The following KDM7A variants were observed in gnomAD, a reference collection of about 807,000 sequenced individuals.
The protein encoded by KDM7A is lysine-specific demethylase 7A.
In KDM7A, 28 loss-of-function variants were observed where a neutral mutation model predicts 114.8. That is an observed-to-expected ratio of 0.24 (90% confidence interval 0.18 to 0.33). The LOEUF is 0.33. Among genes scored for constraint, KDM7A ranks in the 10% least tolerant of loss-of-function variants. The pLI is 1.00. For synonymous variants in KDM7A, 423 were observed against 397.8 expected (o/e 1.06, Z -0.75); for missense variants, 942 against 1,142.5 (o/e 0.82, Z 2.53).
chr7:140,134,362 T>C (rs1297640334), intron 2 of KDM7A, among the ~76,000 whole-genome samples: 3 of 152,134 alleles, frequency 2.0e-5, no homozygotes, highest in Non-Finnish European at 4.4e-5. Context: ...TTAACACCTA[T>C]GGATCCAGAT....
intron 1 of KDM7A, among the ~76,000 whole-genome samples, chr7:140,171,949 G>A (rs1293277409): frequency 6.6e-6 from 1 of 152,138 alleles, no homozygotes; most frequent in Non-Finnish European, 1.5e-5. Flanking sequence ...ACAGTTTGGG[G>A]ACAACATGAA....
At chr7:140,148,087 C>T (rs1734247129) in intron 1 of KDM7A, among the ~76,000 whole-genome samples, 3 of 152,134 alleles carry the variant, frequency 2.0e-5, no homozygotes, top group Admixed American at 2.0e-4. Flanking sequence ...CAACACTGCC[C>T]TAATCAACAG....
intron 7 of KDM7A, among the ~76,000 whole-genome samples, chr7:140,123,799 C>G (rs999881452): frequency 6.6e-6 from 1 of 152,046 alleles, no homozygotes; most frequent in Non-Finnish European, 1.5e-5. Context: ...AATAGTATGC[C>G]GGCCGGGCGT....
At chr7:140,169,524 G>GT (rs1388773789) in intron 1 of KDM7A, among the ~76,000 whole-genome samples, 1 of 151,914 alleles carries the variant, frequency 6.6e-6, no homozygotes, top group African/African-American at 2.4e-5. Flanking sequence ...AACTAATGGG[G>GT]TTTTTTTGTT....
chr7:140,160,282 C>CT (rs1794503996), intron 1 of KDM7A, among the ~76,000 whole-genome samples: 1 of 152,018 alleles, frequency 6.6e-6, no homozygotes, highest in Non-Finnish European at 1.5e-5. Context: ...GTAAATGAAA[C>CT]TAAAAAATCA....
At chr7:140,154,415 GC>G (rs1370383890) in intron 1 of KDM7A, among the ~76,000 whole-genome samples, 2 of 150,664 alleles carry the variant, frequency 1.3e-5, no homozygotes, top group African/African-American at 4.9e-5. Context: ...GACTGCTTGA[GC>G]CCGGGAGTTT....
At position 140,086,067 on chromosome 7, in the gene KDM7A, T is replaced by C. The variant is rs1817919541; in HGVS notation, c.*5027A>G. The C allele has an allele frequency of 6.6e-6, 1 of 152,154 alleles. No homozygotes were observed. Among genetic ancestry groups the C allele is most frequent in the Non-Finnish European group, 1.5e-5 (1 of 68,022 alleles). 9.4% of individuals were successfully genotyped at this position (152,154 alleles called of 1,614,324 possible). On this transcript the variant is annotated 3_prime_UTR_variant, in exon 20 of 20. Transcript: ENST00000397560. ...AAAGAAATGGCCAAAATGAAACTGG[T>C]TGGAGACAAGTTTTACCTTTATAAT... is the stretch of plus-strand genomic sequence containing the variant.
rs1196428453 is a variant in KDM7A at position 140,092,016 on chromosome 7, A to G, written c.2519T>C (p.Val840Ala). The part of the protein sequence containing the change: ...KEGSSEISQR[V>A]QSRNYVDSSG... Reference sequence around the variant, plus strand: ...GCTGTCCACATAATTCCTACTTTGTACCCTCTGACTAATTTCTGATGAACC... The same window carrying G: ...GCTGTCCACATAATTCCTACTTTGTGCCCTCTGACTAATTTCTGATGAACC... Residue 840 changes from valine (V) to alanine (A), a missense_variant, in exon 19 of 20, where the codon GTA (valine) becomes GCA (alanine). By Grantham distance (64) the Val-to-Ala change is moderately conservative. Around this residue, in one of 4 missense-constraint regions of KDM7A, gnomAD observed 512 missense variants for 576.6 expected, o/e 0.89. Coordinates refer to ENST00000397560, the MANE Select transcript of KDM7A (RefSeq NM_030647.2). 1 of 1,613,914 alleles carries G rather than the reference A, an allele frequency of 6.2e-7. No individual in the cohort carries two copies. Among genetic ancestry groups the G allele is most frequent in the African/African-American group, 1.3e-5 (1 of 74,882 alleles).
intron 4 of KDM7A, among the ~76,000 whole-genome samples, chr7:140,128,437 G>A (rs186625839): frequency 6.6e-6 from 1 of 152,148 alleles, no homozygotes; most frequent in East Asian, 1.9e-4. Flanking sequence ...GAGGCAACAC[G>A]GTTCTGCTCA....
intron 7 of KDM7A, among the ~76,000 whole-genome samples, chr7:140,121,183 A>T (rs757660587): frequency 2.0e-5 from 3 of 152,218 alleles, no homozygotes; most frequent in Non-Finnish European, 2.9e-5. Flanking sequence ...GGTCCTACAA[A>T]TATAGGTGTT....
chr7:140,136,152 G>C (rs890613525), intron 2 of KDM7A, among the ~76,000 whole-genome samples: 50 of 152,130 alleles, frequency 3.3e-4, no homozygotes, highest in African/African-American at 1.2e-3. Context: ...GAATTAGACT[G>C]CTAGGGGTTC....
chr7:140,157,628 T>A (rs1422407844), intron 1 of KDM7A, among the ~76,000 whole-genome samples: 1 of 152,132 alleles, frequency 6.6e-6, no homozygotes, highest in East Asian at 1.9e-4. Context: ...CACTCCAGCC[T>A]GGTCGACAGA....
chr7:140,098,053 A>G (rs1237703745), intron 14 of KDM7A, among the ~76,000 whole-genome samples: 1 of 152,244 alleles, frequency 6.6e-6, no homozygotes, highest in African/African-American at 2.4e-5. Context: ...GTAGATAGTG[A>G]ATTCAACACG....
chr7:140,154,178 A>G (rs575603960), intron 1 of KDM7A, among the ~76,000 whole-genome samples: 56 of 152,234 alleles, frequency 3.7e-4, no homozygotes, highest in African/African-American at 1.3e-3. Context: ...CATTCCCTTA[A>G]AAAACATTTT....
intron 11 of KDM7A, among the ~76,000 whole-genome samples, chr7:140,103,760 A>G (rs573678600): frequency 1.6e-4 from 25 of 152,304 alleles, no homozygotes; most frequent in Admixed American, 7.2e-4. Flanking sequence ...GAATAGTGCC[A>G]CAATAAACAT....
At chr7:140,135,214 T>C (rs886191017) in intron 2 of KDM7A, among the ~76,000 whole-genome samples, 2 of 151,120 alleles carry the variant, frequency 1.3e-5, no homozygotes, top group Non-Finnish European at 3.0e-5. Context: ...CCTTTTTTTT[T>C]TTTTTTTTGA....
intron 18 of KDM7A, among the ~76,000 whole-genome samples, chr7:140,093,470 C>G (rs912020736): frequency 6.6e-6 from 1 of 152,168 alleles, no homozygotes; most frequent in Non-Finnish European, 1.5e-5. Context: ...AGGTTTGGGG[C>G]CCCACAGTGC....
At chr7:140,144,145 G>A (rs1794314388) in intron 1 of KDM7A, among the ~76,000 whole-genome samples, 1 of 152,202 alleles carries the variant, frequency 6.6e-6, no homozygotes, top group South Asian at 2.1e-4. Context: ...AATCAAGACT[G>A]TGGTACTGGC....
At chr7:140,116,242 A>G (rs1276310229) in intron 9 of KDM7A, among the ~76,000 whole-genome samples, 2 of 147,644 alleles carry the variant, frequency 1.4e-5, no homozygotes, top group Non-Finnish European at 3.0e-5. Context: ...CAAAATGTCA[A>G]ACTTGCAGAA....
Sources: allele counts gnomAD v4.1 joint callset (sites outside exome capture counted in the v4.1 genomes callset), GRCh38; gene constraint gnomAD v4.1.1; regional missense constraint gnomAD v4.1.1; transcripts MANE v1.5; gene names NCBI Gene and HGNC (gene_info 2026-07-23, HGNC 2026-07-21).